The following DGCR2 variants were observed in gnomAD, a reference collection of about 807,000 sequenced individuals.
The protein encoded by DGCR2 is integral membrane protein DGCR2/IDD.
In DGCR2, 24 loss-of-function variants were observed where a neutral mutation model predicts 51.6. The observed-to-expected ratio is 0.47, with a 90% CI of 0.34 to 0.65. The LOEUF (loss-of-function observed/expected upper bound fraction) is 0.65, where lower values mean the gene tolerates loss of function less well. Among genes scored for constraint, DGCR2 ranks in the 30% least tolerant of loss-of-function variants. The pLI is 0.01. For synonymous variants in DGCR2, 340 were observed against 315.4 expected, an observed-to-expected ratio of 1.08 and a Z score of -0.82; for missense variants, 765 against 772.1, an observed-to-expected ratio of 0.99 and a Z score of 0.11.
At chr22:19,084,757 G>C (rs1286391594) in intron 2 of DGCR2, among the ~76,000 whole-genome samples, 2 of 148,226 alleles carry the variant, frequency 1.3e-5, no homozygotes, top group Non-Finnish European at 3.0e-5. Context: ...GTCCGGGAGG[G>C]AGGTGGGGGG....
chr22:19,120,101 C>T (rs1377231543), intron 1 of DGCR2, among the ~76,000 whole-genome samples: 2 of 152,218 alleles, frequency 1.3e-5, no homozygotes, highest in Non-Finnish European at 2.9e-5. Flanking sequence ...ACAAGGAACA[C>T]ATCAGGCCCA....
At chr22:19,096,882 T>TAA (rs991223620) in intron 1 of DGCR2, among the ~76,000 whole-genome samples, 4 of 107,182 alleles carry the variant, frequency 3.7e-5, no homozygotes, top group African/African-American at 8.1e-5. Context: ...TCCATTCTAT[T>TAA]AAAAAAAAAA....
chr22:19,066,314 T>A (rs2082747973), intron 3 of DGCR2, among the ~76,000 whole-genome samples: 1 of 151,708 alleles, frequency 6.6e-6, no homozygotes, highest in Non-Finnish European at 1.5e-5. Context: ...GGTTGGAGGA[T>A]CACTTGAGCT....
At chr22:19,040,355 G>A (rs560691882) in intron 9 of DGCR2, among the ~76,000 whole-genome samples, 46 of 152,318 alleles carry the variant, frequency 3.0e-4, no homozygotes, top group African/African-American at 9.9e-4. Context: ...GCCGAGATGG[G>A]CAGGCATGCA....
Position 19,077,787 on chromosome 22 carries a change from G to A in DGCR2, c.203-9562C>T, listed in dbSNP as rs187308673. 6.6e-5 allele frequency among the ~76,000 whole-genome samples: 10 copies of A among 151,108 alleles called. No homozygotes were observed. In the South Asian group the frequency reaches 1.5e-3, roughly 22 times the overall value. Reference sequence around the variant, plus strand: ...GCTTTAGGTAATAGTCACATCTTACGTTTTACAGTCCATGAGCATGGAACA... The same window carrying A: ...GCTTTAGGTAATAGTCACATCTTACATTTTACAGTCCATGAGCATGGAACA... On this transcript the variant is annotated intron_variant, in intron 2 of 9. Transcript: ENST00000263196.
At chr22:19,042,567 G>A (rs924498571) in intron 7 of DGCR2, among the ~76,000 whole-genome samples, 17 of 152,226 alleles carry the variant, frequency 1.1e-4, no homozygotes, top group African/African-American at 1.9e-4. Context: ...TGGGGGTGAC[G>A]CCCCTGCGGA....
rs562181308 is a variant in DGCR2, at chr22:19,048,995, C to G, written c.803-352G>C. 2.0e-5 allele frequency among the ~76,000 whole-genome samples: 3 copies of G among 152,324 alleles called. No individual in the cohort carries two copies. The South Asian group carries it at 6.2e-4, about 32-fold the overall frequency. ...GCTGGAATGCCATGGATCTCTGGCC[C>G]ATGGCACAGGGAGTGGCTGTCCAAG... is the stretch of plus-strand genomic sequence containing the variant. On this transcript the variant is annotated intron_variant, in intron 6 of 9. Coordinates refer to ENST00000263196, the MANE Select transcript of DGCR2 (RefSeq NM_005137.3).
In DGCR2 at chr22:19,057,892, C is replaced by A. The variant is rs2082620839; in HGVS notation, c.626-730G>T. ...GGCTCTGGCCATGCCCAGGGCATGG[C>A]ACAGCCAGCCCTAGGCCCCACTCTC... On this transcript the variant is annotated intron_variant, in intron 5 of 9. Transcript: ENST00000263196. The surrounding 1 kb of genome is among the most constrained non-coding windows in gnomAD (Gnocchi z 5.1). Among the ~76,000 whole-genome samples the A allele has an allele frequency of 6.6e-6, 1 of 152,110 alleles. No individual in the cohort carries two copies. Among genetic ancestry groups the A allele is most frequent in the African/African-American group, 2.4e-5 (1 of 41,428 alleles).
At chr22:19,089,117 T>G (rs1383645202) in intron 2 of DGCR2, among the ~76,000 whole-genome samples, 1 of 152,204 alleles carries the variant, frequency 6.6e-6, no homozygotes, top group East Asian at 1.9e-4. Flanking sequence ...CAGCGCCTCC[T>G]TAAGTGGAGC....
At chr22:19,071,299 A>G (rs1395392905) in intron 2 of DGCR2, among the ~76,000 whole-genome samples, 4 of 152,238 alleles carry the variant, frequency 2.6e-5, no homozygotes, top group Non-Finnish European at 5.9e-5. Flanking sequence ...CAACAAGGAA[A>G]CAGAATCAGG....
chr22:19,062,779 A>ATTCATTCATTCTCTCTCTCTCT, intron 5 of DGCR2, among the ~76,000 whole-genome samples: 9 of 127,350 alleles, frequency 7.1e-5, no homozygotes, highest in Non-Finnish European at 1.3e-4. Flanking sequence ...ATGCATGCTC[A>ATTCATTCATTCTCTCTCTCTCT]CTCTCTCTCT....
intron 6 of DGCR2, among the ~76,000 whole-genome samples, chr22:19,052,112 C>T (rs1950820018): frequency 1.3e-5 from 2 of 152,146 alleles, no homozygotes; most frequent in African/African-American, 2.4e-5. Context: ...GCATCTATCA[C>T]ACAGAAGTGA....
In DGCR2 at chr22:19,038,556, T is replaced by C; in HGVS notation, c.*309A>G. 2.4e-6 allele frequency: 1 copy of C among 418,974 alleles called. No individual in the cohort carries two copies. Among genetic ancestry groups the C allele is most frequent in the Non-Finnish European group, 4.3e-6 (1 of 232,856 alleles). The allele number at this position is 418,974 out of a possible 1,614,324, so 26.0% of individuals were successfully genotyped here. On this transcript the variant is annotated 3_prime_UTR_variant, in exon 10 of 10. Transcript: ENST00000263196. The stretch of plus-strand genomic sequence containing the variant: ...AGGTGTGGCCATGGCCCACAGTACC[T>C]TCTTCATTCCCTGCCTCTAACATGT...
In DGCR2 at chr22:19,066,504, G is replaced by C. The variant is rs144323131; in HGVS notation, c.329-1437C>G. Among the ~76,000 whole-genome samples, 202 of 152,310 alleles carry C rather than the reference G, an allele frequency of 1.3e-3. 1 individual carries two copies. The highest frequency in any genetic ancestry group is 4.7e-3 in the African/African-American group (194 of 41,566). On this transcript the variant is annotated intron_variant, in intron 3 of 9. Transcript: ENST00000263196. ...CGAGAAGGTGTGTTGCACATTCATT[G>C]CGTGTTTCCTGGGTGCCACACCAAT...
chr22:19,069,704 G>A (rs981408010), intron 2 of DGCR2, among the ~76,000 whole-genome samples: 1 of 152,110 alleles, frequency 6.6e-6, no homozygotes, highest in African/African-American at 2.4e-5. Context: ...TTTGAGGTTA[G>A]GCTGTTTGCA....
In DGCR2 at chr22:19,111,709, G is replaced by A. The variant is rs568305199; in HGVS notation, c.79+10419C>T. ...GCATACCCAAAGACTATCAGAGCAC[G>A]AACCCAAGCTATCGGATGGAGAGGA... On this transcript the variant is annotated intron_variant, in intron 1 of 9. Coordinates refer to ENST00000263196, the MANE Select transcript of DGCR2 (RefSeq NM_005137.3). Among the ~76,000 whole-genome samples the A allele has an allele frequency of 3.9e-4, 60 of 152,268 alleles. 1 individual carries two copies. The highest frequency in any genetic ancestry group is 7.5e-4 in the Non-Finnish European group (51 of 68,034).
Position 19,122,113 on chromosome 22 carries a change from C to T in DGCR2, c.79+15G>A. ...CGCCGCCCAGCCCCCACACCGCCCC[C>T]ATCGCGCGGCGCACCTGGCCGCAGC... On this transcript the variant is annotated intron_variant, in intron 1 of 9. Transcript: ENST00000263196. 3.4e-6 allele frequency: 5 copies of T among 1,485,138 alleles called. No individual in the cohort carries two copies. Among genetic ancestry groups the T allele is most frequent in the Non-Finnish European group, 3.6e-6 (4 of 1,116,208 alleles). 92.0% of individuals were successfully genotyped at this position (1,485,138 alleles called of 1,614,324 possible). A position where few individuals can be genotyped will look rare whatever the true frequency, so the allele number is the denominator to read the frequency against.
rs758759099 is a variant in DGCR2, at chr22:19,064,848, T to G, written c.548A>C (p.Lys183Thr). 1 of 1,613,338 alleles carries G rather than the reference T, an allele frequency of 6.2e-7. No individual in the cohort carries two copies. Among genetic ancestry groups the G allele is most frequent in the Non-Finnish European group, 8.5e-7 (1 of 1,179,822 alleles). The change falls in exon 4 of 10, where the codon AAG (lysine) becomes ACG (threonine). Residue 183 changes from lysine to threonine, a missense_variant and splice_region_variant. This residue lies in a region of DGCR2 where 370 missense variants were observed against 325.5 expected (regional missense o/e 1.14). Coordinates refer to ENST00000263196, the MANE Select transcript of DGCR2 (RefSeq NM_005137.3). The part of the protein sequence containing the change: ...ERSFGWKDQR[K>T]LWVGYQYVIT... ...CTCAGGTCCCCAATCCAGGACTCAC[T>G]TGCGCTGGTCCTTCCAACCAAAGCT... is the stretch of plus-strand genomic sequence containing the variant.
rs375088077 is a variant in DGCR2 at position 19,041,858 on chromosome 22, G to A, written c.1108C>T (p.Arg370Trp). 7 of 1,613,176 alleles carry A rather than the reference G, an allele frequency of 4.3e-6. No individual in the cohort carries two copies. The highest frequency in any genetic ancestry group is 2.7e-5 in the African/African-American group (2 of 74,900). Reference protein sequence around the residue: ...ILSLLLFMVHRLRQRRRERIE... With the variant: ...ILSLLLFMVHWLRQRRRERIE... Reference sequence around the variant, plus strand: ...CGCTCCCGGCGCCGCTGGCGCAGCCGGTGGACCATGAAGAGCAGCAGTGAC... The same window carrying A: ...CGCTCCCGGCGCCGCTGGCGCAGCCAGTGGACCATGAAGAGCAGCAGTGAC... The change falls in exon 8 of 10, where the codon CGG (arginine) becomes TGG (tryptophan). Residue 370 changes from arginine to tryptophan, a missense_variant. Arg to Trp is a moderately radical substitution (Grantham distance 101, BLOSUM62 -3). Coordinates refer to ENST00000263196, the MANE Select transcript of DGCR2 (RefSeq NM_005137.3).
Sources: allele counts gnomAD v4.1 joint callset (sites outside exome capture counted in the v4.1 genomes callset), GRCh38; gene constraint gnomAD v4.1.1; regional missense constraint gnomAD v4.1.1; non-coding constraint Gnocchi (gnomAD v3.1); transcripts MANE v1.5; gene names NCBI Gene and HGNC (gene_info 2026-07-23, HGNC 2026-07-21).